CCDC192: variants seen among roughly 807,000 people sequenced by gnomAD.
CCDC192 encodes coiled-coil domain containing 192, also known as coiled-coil domain-containing protein 192.
intron 6 of CCDC192, among the ~76,000 whole-genome samples, chr5:127,932,792 AG>A (rs1422491915): frequency 1.3e-5 from 2 of 152,174 alleles, no homozygotes; most frequent in Admixed American, 1.3e-4. Context: ...TCATTCCACG[AG>A]GGGAGAGTGA....
chr5:127,832,696 G>A (rs957283033), intron 5 of CCDC192, among the ~76,000 whole-genome samples: 1 of 152,082 alleles, frequency 6.6e-6, no homozygotes, highest in African/African-American at 2.4e-5. Flanking sequence ...ATGCATACAT[G>A]TATATTTAAT....
At chr5:127,745,451 C>G (rs1341849535) in intron 2 of CCDC192, among the ~76,000 whole-genome samples, 1 of 152,182 alleles carries the variant, frequency 6.6e-6, no homozygotes, top group African/African-American at 2.4e-5. Context: ...CTATCAACCT[C>G]AACATCCATG....
At chr5:127,906,090 C>T (rs1304401392) in intron 6 of CCDC192, among the ~76,000 whole-genome samples, 1 of 152,138 alleles carries the variant, frequency 6.6e-6, no homozygotes. Context: ...CCATTAAGTA[C>T]ATTCACGTTG....
At position 127,731,254 on chromosome 5, in the gene CCDC192, T is replaced by C. The variant is rs114134238; in HGVS notation, c.115-23014T>C. Among the ~76,000 whole-genome samples, 192 of 152,204 alleles carry C rather than the reference T, an allele frequency of 1.3e-3. 1 individual carries two copies. The highest frequency in any genetic ancestry group is 4.4e-3 in the African/African-American group (182 of 41,554). On this transcript the variant is annotated intron_variant, in intron 2 of 6. Transcript: ENST00000514853. ...GCAGAGAGCCAAATCATGAATGAAC[T>C]CCTGTTCACAATTGCTAGAAAGAGA...
Position 127,884,342 on chromosome 5 carries a change from C to CAAAAAAAAAAAAAAAAAAAAAAAAAA in CCDC192, c.535+8683_535+8708dup, listed in dbSNP as rs778430655. Among the ~76,000 whole-genome samples the CAAAAAAAAAAAAAAAAAAAAAAAAAA allele has an allele frequency of 7.6e-4, 9 of 11,850 alleles. 1 individual carries two copies. The highest frequency in any genetic ancestry group is 3.9e-3 in the East Asian group (1 of 256). 7.8% of individuals were successfully genotyped at this position (11,850 alleles called of 152,430 possible). A position where few individuals can be genotyped will look rare whatever the true frequency, so the allele number is the denominator to read the frequency against. On this transcript the variant is annotated intron_variant, in intron 6 of 6. Transcript: ENST00000514853. ...TGGGCGACAGAGCAAGACTCCGTCT[C>CAAAAAAAAAAAAAAAAAAAAAAAAAA]AAAAAAAAAAAAAAAAAAAAAAAAA...
chr5:127,749,787 G>C (rs888171929), intron 2 of CCDC192, among the ~76,000 whole-genome samples: 21 of 152,182 alleles, frequency 1.4e-4, no homozygotes, highest in East Asian at 7.7e-4. Flanking sequence ...GCCACAATTT[G>C]AGATCCTGTT....
At chr5:127,881,220 A>C (rs1180708667) in intron 6 of CCDC192, among the ~76,000 whole-genome samples, 1 of 152,206 alleles carries the variant, frequency 6.6e-6, no homozygotes, top group Non-Finnish European at 1.5e-5. Flanking sequence ...AGTAAGTGAT[A>C]CATGGTCACC....
intron 2 of CCDC192, among the ~76,000 whole-genome samples, chr5:127,718,545 T>C (rs1284025421): frequency 1.3e-5 from 2 of 152,190 alleles, no homozygotes; most frequent in East Asian, 1.9e-4. Flanking sequence ...GGAGTTTGTA[T>C]GTATAGAAGG....
At chr5:127,893,517 C>T (rs1420044692) in intron 6 of CCDC192, among the ~76,000 whole-genome samples, 4 of 152,140 alleles carry the variant, frequency 2.6e-5, no homozygotes, top group African/African-American at 7.2e-5. Context: ...GTCCGTAGAC[C>T]TCTTCCAAAA....
chr5:127,890,007 T>C (rs1752687147), intron 6 of CCDC192, among the ~76,000 whole-genome samples: 1 of 152,154 alleles, frequency 6.6e-6, no homozygotes, highest in African/African-American at 2.4e-5. Flanking sequence ...CTTGCCCAAT[T>C]CTGGTCTAGT....
intron 5 of CCDC192, among the ~76,000 whole-genome samples, chr5:127,819,340 C>G (rs1432821084): frequency 1.3e-5 from 2 of 152,160 alleles, no homozygotes; most frequent in African/African-American, 4.8e-5. Context: ...AGACTCTGCT[C>G]TAGGTTCCTG....
rs184122534 is a variant in CCDC192 at position 127,732,695 on chromosome 5, C to G, written c.115-21573C>G. Reference sequence around the variant, plus strand: ...GGAATGAGATCTTGTCCTTCAGGAACATGGATGGAGCTGGAAGCCATTATC... The same window carrying G: ...GGAATGAGATCTTGTCCTTCAGGAAGATGGATGGAGCTGGAAGCCATTATC... On this transcript the variant is annotated intron_variant, in intron 2 of 6. Coordinates refer to ENST00000514853, the MANE Select transcript of CCDC192 (RefSeq NM_001317938.2). Among the ~76,000 whole-genome samples the G allele has an allele frequency of 1.3e-3, 191 of 152,120 alleles. 1 individual carries two copies. Among genetic ancestry groups the G allele is most frequent in the African/African-American group, 4.4e-3 (183 of 41,530 alleles).
chr5:127,756,065 G>A (rs1246761701), intron 3 of CCDC192, among the ~76,000 whole-genome samples: 1 of 151,898 alleles, frequency 6.6e-6, no homozygotes, highest in African/African-American at 2.4e-5. Flanking sequence ...CCCGGGAGGC[G>A]GAGCTTGCAG....
intron 5 of CCDC192, among the ~76,000 whole-genome samples, chr5:127,845,626 G>A (rs970154915): frequency 6.6e-6 from 1 of 152,110 alleles, no homozygotes; most frequent in Non-Finnish European, 1.5e-5. Context: ...TCATTTCAAG[G>A]TATTTGCTAG....
chr5:127,910,209 T>G (rs1369838759), intron 6 of CCDC192, among the ~76,000 whole-genome samples: 4 of 152,204 alleles, frequency 2.6e-5, no homozygotes, highest in Non-Finnish European at 5.9e-5. Context: ...ATATGTGCCT[T>G]TATGGCTGTC....
At chr5:127,912,368 G>A (rs995103613) in intron 6 of CCDC192, among the ~76,000 whole-genome samples, 6 of 125,520 alleles carry the variant, frequency 4.8e-5, no homozygotes, top group African/African-American at 1.9e-4. Flanking sequence ...ACAACAATGG[G>A]TTGTATAGCT....
At chr5:127,925,111 T>C (rs1299916939) in intron 6 of CCDC192, among the ~76,000 whole-genome samples, 1 of 128,968 alleles carries the variant, frequency 7.8e-6, no homozygotes, top group East Asian at 4.0e-4. Context: ...TATGCCTCTC[T>C]AAAGTGCCTT....
At chr5:127,757,113 T>C (rs537399338) in intron 3 of CCDC192, among the ~76,000 whole-genome samples, 1 of 152,352 alleles carries the variant, frequency 6.6e-6, no homozygotes, top group Admixed American at 6.5e-5. Flanking sequence ...GAAAGACATG[T>C]AAGCCAGAGC....
chr5:127,931,792 A>G (rs549763594), intron 6 of CCDC192, among the ~76,000 whole-genome samples: 175 of 152,238 alleles, frequency 1.1e-3, no homozygotes, highest in Non-Finnish European at 2.1e-3. Flanking sequence ...CAGCTTATAG[A>G]AATCTAAATC....
Sources: allele counts gnomAD v4.1 joint callset (sites outside exome capture counted in the v4.1 genomes callset), GRCh38; gene constraint gnomAD v4.1.1; transcripts MANE v1.5; gene names NCBI Gene and HGNC (gene_info 2026-07-23, HGNC 2026-07-21).